The following MAST4 variants were observed in gnomAD, a reference collection of about 807,000 sequenced individuals.
MAST4 encodes microtubule-associated serine/threonine-protein kinase 4.
A neutral mutation model predicts 162.7 loss-of-function variants in MAST4; 89 were observed. The observed-to-expected ratio is 0.55, with a 90% CI of 0.46 to 0.65. The LOEUF is 0.65. Among genes scored for constraint, MAST4 ranks in the 30% least tolerant of loss-of-function variants. The pLI, the probability that MAST4 is intolerant of heterozygous loss-of-function variation, is 0.00. For synonymous variants in MAST4, 1,479 were observed against 1,361.1 expected (o/e 1.09, Z -1.91); for missense variants, 3,153 against 3,374.0 (o/e 0.93, Z 1.62).
At chr5:66,664,136 T>C (rs1747086813) in intron 1 of MAST4, among the ~76,000 whole-genome samples, 1 of 152,062 alleles carries the variant, frequency 6.6e-6, no homozygotes, top group African/African-American at 2.4e-5. Flanking sequence ...GAGAAGGTGC[T>C]GAAAATCAGG....
At chr5:66,828,449 A>G (rs1408306835) in intron 3 of MAST4, among the ~76,000 whole-genome samples, 2 of 152,156 alleles carry the variant, frequency 1.3e-5, no homozygotes. Context: ...TTACTTAGCC[A>G]CTGTGACCTT....
intron 1 of MAST4, among the ~76,000 whole-genome samples, chr5:66,617,050 T>C (rs1332618882): frequency 6.6e-6 from 1 of 152,226 alleles, no homozygotes; most frequent in Non-Finnish European, 1.5e-5. Context: ...GAACATTAAA[T>C]CTGTCATTAA....
At chr5:66,835,130 A>G (rs1346897566) in intron 3 of MAST4, among the ~76,000 whole-genome samples, 4 of 152,234 alleles carry the variant, frequency 2.6e-5, no homozygotes, top group Admixed American at 2.6e-4. Flanking sequence ...TGTTGCTAAA[A>G]GGAATGACTG....
rs1003160955 is a variant in MAST4, at chr5:67,167,360, G to C, written c.*309G>C. 1.3e-5 allele frequency: 3 copies of C among 233,382 alleles called. No individual in the cohort carries two copies. The highest frequency in any genetic ancestry group is 6.8e-5 in the African/African-American group (3 of 44,372). 14.5% of individuals were successfully genotyped at this position (233,382 alleles called of 1,614,324 possible). A position where few individuals can be genotyped will look rare whatever the true frequency, so the allele number is the denominator to read the frequency against. ...TTGTAAATATATAGCATCGTGTTTG[G>C]TTTGGGATGTAGAGTCTATACCTGG... On this transcript the variant is annotated 3_prime_UTR_variant, in exon 29 of 29. Transcript: ENST00000403625.
At chr5:66,959,858 G>A (rs1318670029) in intron 4 of MAST4, among the ~76,000 whole-genome samples, 2 of 149,482 alleles carry the variant, frequency 1.3e-5, no homozygotes, top group Non-Finnish European at 3.0e-5. Context: ...TGTTTGCTTA[G>A]CTGTTTTTTT....
At chr5:67,093,669 A>T (rs534771439) in intron 6 of MAST4, 5 of 459,428 alleles carry the variant, frequency 1.1e-5, no homozygotes, top group Middle Eastern at 3.3e-4. Flanking sequence ...ACTAATAAGA[A>T]CATGTCTTCT....
intron 4 of MAST4, among the ~76,000 whole-genome samples, chr5:66,952,548 C>T (rs1051259033): frequency 1.3e-5 from 2 of 152,074 alleles, no homozygotes; most frequent in African/African-American, 4.8e-5. Flanking sequence ...AACTTTTATT[C>T]TACTCTCCCT....
chr5:66,614,536 T>G (rs993435832), intron 1 of MAST4, among the ~76,000 whole-genome samples: 3 of 152,184 alleles, frequency 2.0e-5, no homozygotes, highest in Admixed American at 6.5e-5. Context: ...CGTTGAGTCT[T>G]GATGAGGGCC....
intron 1 of MAST4, among the ~76,000 whole-genome samples, chr5:66,747,785 A>C (rs1752859859): frequency 6.6e-6 from 1 of 152,188 alleles, no homozygotes; most frequent in East Asian, 1.9e-4. Context: ...TGTTGTGGGA[A>C]GCTGTCCCGT....
chr5:66,942,497 T>G (rs1743474301), intron 4 of MAST4, among the ~76,000 whole-genome samples: 1 of 152,134 alleles, frequency 6.6e-6, no homozygotes. Flanking sequence ...ATATAACCAT[T>G]GTCTGACTTG....
chr5:66,680,868 T>C (rs1472946128), intron 1 of MAST4, among the ~76,000 whole-genome samples: 1 of 152,210 alleles, frequency 6.6e-6, no homozygotes, highest in Non-Finnish European at 1.5e-5. Context: ...CACCTTGACC[T>C]GGAGCAAGCG....
At chr5:66,662,400 A>G (rs1746973351) in intron 1 of MAST4, 1 of 152,214 alleles carries the variant, frequency 6.6e-6, no homozygotes, top group Non-Finnish European at 1.5e-5. Context: ...GAGTCTGTCA[A>G]ATCATTTCAT....
At chr5:66,670,465 G>T (rs866030805) in intron 1 of MAST4, among the ~76,000 whole-genome samples, 4 of 152,130 alleles carry the variant, frequency 2.6e-5, no homozygotes, top group Non-Finnish European at 5.9e-5. Context: ...AATCAGGATT[G>T]TGGAAGCCAT....
intron 2 of MAST4, among the ~76,000 whole-genome samples, chr5:66,763,786 T>A (rs986374288): frequency 1.3e-5 from 2 of 152,176 alleles, no homozygotes; most frequent in African/African-American, 2.4e-5. Flanking sequence ...TTATGATGAG[T>A]TTAGTGGGGT....
At chr5:67,097,037 T>G (rs1219876573) in intron 7 of MAST4, among the ~76,000 whole-genome samples, 1 of 152,118 alleles carries the variant, frequency 6.6e-6, no homozygotes, top group African/African-American at 2.4e-5. Flanking sequence ...TAACTCCAAA[T>G]TGTTTTTTTT....
At position 67,118,661 on chromosome 5, in the gene MAST4, CTT is replaced by C. The variant is rs538432602; in HGVS notation, c.1592-11_1592-10del. The C allele has an allele frequency of 4.2e-5, 49 of 1,160,210 alleles. No homozygotes were observed. The highest frequency in any genetic ancestry group is 7.4e-5 in the Admixed American group (3 of 40,464). The allele number at this position is 1,160,210 out of a possible 1,614,324, so 71.9% of individuals were successfully genotyped here. A position where few individuals can be genotyped will look rare whatever the true frequency, so the allele number is the denominator to read the frequency against. ...ATTGCAATATTTTTATTAAGCTTAA[CTT>C]TTTTTTTTTCCAACTTAGAAATGGC... On this transcript the variant is annotated intron_variant, in intron 12 of 28. Transcript: ENST00000403625.
intron 3 of MAST4, among the ~76,000 whole-genome samples, chr5:66,888,160 GTTTA>G (rs1010074101): frequency 3.0e-4 from 46 of 152,204 alleles, no homozygotes; most frequent in African/African-American, 1.0e-3. Context: ...TAAGCTAATT[GTTTA>G]TTCTGTGACC....
intron 3 of MAST4, among the ~76,000 whole-genome samples, chr5:66,859,471 G>A (rs963996574): frequency 6.6e-6 from 1 of 152,184 alleles, no homozygotes; most frequent in African/African-American, 2.4e-5. Flanking sequence ...TACCACCCCT[G>A]TCCTTTCTTG....
At chr5:67,099,948 C>T (rs1023393916) in intron 7 of MAST4, among the ~76,000 whole-genome samples, 1 of 152,176 alleles carries the variant, frequency 6.6e-6, no homozygotes, top group African/African-American at 2.4e-5. Context: ...TCCCGTTTTA[C>T]TCATGCCACA....
Sources: gnomAD v4.1 joint callset for allele counts (sites outside exome capture counted in the v4.1 genomes callset) on GRCh38, gnomAD v4.1.1 for gene constraint, MANE v1.5 for transcripts, NCBI Gene and HGNC (gene_info 2026-07-23, HGNC 2026-07-21) for gene names.